The following NOX4 variants were observed in gnomAD, a reference collection of about 807,000 sequenced individuals.
The protein encoded by NOX4 is kidney oxidase-1.
NOX4 carries 69 observed loss-of-function variants against 87.6 expected under a neutral mutation model. The observed-to-expected ratio is 0.79, with a 90% CI of 0.65 to 0.96. NOX4 has a LOEUF of 0.96. Among genes scored for constraint, NOX4 ranks in the 40% least tolerant of loss-of-function variants. NOX4 has a pLI of 0.00. For synonymous variants in NOX4, 275 were observed against 238.2 expected (o/e 1.15, Z -1.42); for missense variants, 680 against 681.5 (o/e 1.00, Z 0.02).
chr11:89,399,445 ATATATATAT>A lies in NOX4; in HGVS notation c.1074+563_1074+571del, dbSNP rs1565238889. Among the ~76,000 whole-genome samples, 18 of 133,118 alleles carry A rather than the reference ATATATATAT, an allele frequency of 1.4e-4. No homozygotes were observed. The Middle Eastern group carries it at 0.023, about 173-fold the overall frequency. The allele number at this position is 133,118 out of a possible 152,430, so 87.3% of individuals were successfully genotyped here. On this transcript the variant is annotated intron_variant, in intron 11 of 17. Transcript: ENST00000263317. Reference sequence around the variant, plus strand: ...TTCAAGAAATTAAATATATATATATATATATATATATATATATATATATATATTTGTTTT... The same window carrying A: ...TTCAAGAAATTAAATATATATATATAATATATATATATATATATTTGTTTT...
At chr11:89,420,649 T>G (rs117808919) in intron 8 of NOX4, among the ~76,000 whole-genome samples, 5 of 152,258 alleles carry the variant, frequency 3.3e-5, no homozygotes, top group Non-Finnish European at 7.4e-5. Context: ...TACCCTGAAA[T>G]AAATATATGA....
the NOX4 span, chr11:89,557,323 C>T: frequency 1.3e-5 from 2 of 152,066 alleles, no homozygotes; most frequent in Admixed American, 6.6e-5. Flanking sequence ...ACAACCAGGG[C>T]AGTATTTGAA....
At chr11:89,535,517 A>T in the NOX4 span, among the ~76,000 whole-genome samples, 1 of 152,224 alleles carries the variant, frequency 6.6e-6, no homozygotes, top group Non-Finnish European at 1.5e-5. Context: ...CAGATGTTGT[A>T]GCAAAACTCT....
At chr11:89,399,028 G>T (rs952655748) in intron 11 of NOX4, among the ~76,000 whole-genome samples, 1 of 151,832 alleles carries the variant, frequency 6.6e-6, no homozygotes, top group African/African-American at 2.4e-5. Context: ...GTAGAGAAAA[G>T]GATTGGAAAG....
chr11:89,444,466 A>AACACACACACACACAC (rs59319897), intron 4 of NOX4, among the ~76,000 whole-genome samples: 82 of 147,230 alleles, frequency 5.6e-4, no homozygotes, highest in African/African-American at 2.0e-3. Context: ...GGATAAGAGA[A>AACACACACACACACAC]ACACACACAC....
At position 89,395,636 on chromosome 11, in the gene NOX4, G is replaced by T. The variant is rs576677014; in HGVS notation, c.1074+4381C>A. Among the ~76,000 whole-genome samples, 4 of 152,164 alleles carry T rather than the reference G, an allele frequency of 2.6e-5. No individual in the cohort carries two copies. In the East Asian group the frequency reaches 7.7e-4, roughly 29 times the overall value. On this transcript the variant is annotated intron_variant, in intron 11 of 17. Transcript: ENST00000263317. ...TTCTTCTAGGGATTTTATGGTTTTA[G>T]GTCTAACATTTAAGTCTTCAATACA... is the stretch of plus-strand genomic sequence containing the variant.
chr11:89,447,122 AGT>A (rs1295720262), intron 4 of NOX4, among the ~76,000 whole-genome samples: 1 of 152,176 alleles, frequency 6.6e-6, no homozygotes, highest in Non-Finnish European at 1.5e-5. Context: ...AGCAAGGACA[AGT>A]TTCCAAAGTA....
intron 8 of NOX4, among the ~76,000 whole-genome samples, chr11:89,408,178 A>G (rs1300298229): frequency 1.3e-5 from 2 of 152,148 alleles, no homozygotes; most frequent in East Asian, 1.9e-4. Flanking sequence ...ATCCTGCTCC[A>G]CTGCTATTTT....
At chr11:89,357,555 T>A (rs536859586) in intron 12 of NOX4, among the ~76,000 whole-genome samples, 4 of 152,114 alleles carry the variant, frequency 2.6e-5, no homozygotes, top group Non-Finnish European at 4.4e-5. Flanking sequence ...TCTTTTCAAT[T>A]TTTTTCCCAC....
At chr11:89,447,773 T>G (rs76965703) in intron 4 of NOX4, among the ~76,000 whole-genome samples, 2,330 of 152,120 alleles carry the variant, frequency 0.015, 64 homozygotes, top group African/African-American at 0.053. Context: ...GACCTTTCAC[T>G]CTCCCTCTCC....
At chr11:89,561,359 A>T in the NOX4 span, among the ~76,000 whole-genome samples, 4 of 151,890 alleles carry the variant, frequency 2.6e-5, no homozygotes, top group Admixed American at 6.6e-5. Context: ...ATTCCATCCA[A>T]ATATAACAAA....
rs191276200 is a variant in NOX4 at position 89,367,983 on chromosome 11, C to A, written c.1135+5449G>T. 1.7e-4 allele frequency among the ~76,000 whole-genome samples: 26 copies of A among 152,110 alleles called. No individual in the cohort carries two copies. The East Asian group carries it at 4.8e-3, about 28-fold the overall frequency. On this transcript the variant is annotated intron_variant, in intron 12 of 17. Coordinates refer to ENST00000263317, the MANE Select transcript of NOX4 (RefSeq NM_016931.5). ...CTAACACTCAGTTTGACCCAGAAAG[C>A]CTCCCAAGTTTTCTTCCCAGAAACT...
At position 89,491,259 on chromosome 11, in the gene NOX4, G is replaced by T; in HGVS notation, c.-13C>A. The T allele has an allele frequency of 6.2e-7, 1 of 1,611,244 alleles. No individual in the cohort carries two copies. Among genetic ancestry groups the T allele is most frequent in the Non-Finnish European group, 8.5e-7 (1 of 1,178,742 alleles). Reference sequence around the variant, plus strand: ...AGGACACAGCCATGCCGCCGGCCCCGCCGCGCTGCGCTCTGTGCCCGCCGG... The same window carrying T: ...AGGACACAGCCATGCCGCCGGCCCCTCCGCGCTGCGCTCTGTGCCCGCCGG... On this transcript the variant is annotated 5_prime_UTR_variant, in exon 1 of 18. Coordinates refer to ENST00000263317, the MANE Select transcript of NOX4 (RefSeq NM_016931.5).
intron 11 of NOX4, among the ~76,000 whole-genome samples, chr11:89,385,157 C>T (rs1381706321): frequency 6.6e-6 from 1 of 152,122 alleles, no homozygotes; most frequent in Non-Finnish European, 1.5e-5. Context: ...TCTAAATATG[C>T]CTTCCATATC....
Position 89,400,064 on chromosome 11 carries a change from A to C in NOX4, c.1027T>G (p.Cys343Gly), listed in dbSNP as rs958076621. 1 of 1,606,366 alleles carries C rather than the reference A, an allele frequency of 6.2e-7. No individual in the cohort carries two copies. Among genetic ancestry groups the C allele is most frequent in the East Asian group, 2.2e-5 (1 of 44,624 alleles). Residue 343 changes from cysteine (C) to glycine (G), a missense_variant, in exon 11 of 18, where the codon TGT becomes GGT. Cys to Gly is a radical substitution (Grantham distance 159). Transcript: ENST00000263317. ...TTTTCTAATGCAGATACACTGGGAC[A>C]ATGTAGAGTAATATACTAAAAAGCA... ...ARPGQYITLH[C>G]PSVSALENHP...
intron 12 of NOX4, among the ~76,000 whole-genome samples, chr11:89,366,558 C>T (rs1363291739): frequency 6.6e-6 from 1 of 151,728 alleles, no homozygotes; most frequent in Non-Finnish European, 1.5e-5. Flanking sequence ...AGCCTGTGGT[C>T]CCAGTTACTC....
the NOX4 span, among the ~76,000 whole-genome samples, chr11:89,534,877 T>G: frequency 6.6e-6 from 1 of 152,248 alleles, no homozygotes; most frequent in Non-Finnish European, 1.5e-5. Flanking sequence ...CACATAGGGC[T>G]GTTTACATTG....
chr11:89,555,621 C>G, the NOX4 span, among the ~76,000 whole-genome samples: 15 of 152,022 alleles, frequency 9.9e-5, no homozygotes, highest in Non-Finnish European at 1.5e-5. Flanking sequence ...TTCTCCAGGT[C>G]TTCAGTGGGA....
the NOX4 span, among the ~76,000 whole-genome samples, chr11:89,537,382 C>T: frequency 6.6e-6 from 1 of 151,202 alleles, no homozygotes. Context: ...AATAGTTATA[C>T]ATATCTACAG....
Sources: allele counts gnomAD v4.1 joint callset (sites outside exome capture counted in the v4.1 genomes callset), GRCh38; gene constraint gnomAD v4.1.1; transcripts MANE v1.5; gene names NCBI Gene and HGNC (gene_info 2026-07-23, HGNC 2026-07-21).